The following HMBOX1 variants were observed in gnomAD, a reference collection of about 807,000 sequenced individuals.
The protein encoded by HMBOX1 is homeobox-containing protein 1.
HMBOX1 carries 14 observed loss-of-function variants against 54.5 expected under a neutral mutation model. That is an observed-to-expected ratio of 0.26 (90% confidence interval 0.17 to 0.40). The LOEUF is 0.40. Among genes scored for constraint, HMBOX1 ranks in the 10% least tolerant of loss-of-function variants. The pLI is 1.00. For synonymous variants in HMBOX1, 160 were observed against 181.0 expected (o/e 0.88, Z 0.93); for missense variants, 332 against 514.4 (o/e 0.65, Z 3.43).
At chr8:29,044,355 C>CAAA (rs2133348253) in intron 6 of HMBOX1, among the ~76,000 whole-genome samples, 1 of 152,220 alleles carries the variant, frequency 6.6e-6, no homozygotes, top group African/African-American at 2.4e-5. Flanking sequence ...TGAAAGTTCT[C>CAAA]CTTTTCTTTT....
At chr8:28,987,019 C>T (rs1830261498) in intron 4 of HMBOX1, among the ~76,000 whole-genome samples, 1 of 152,080 alleles carries the variant, frequency 6.6e-6, no homozygotes, top group African/African-American at 2.4e-5. Flanking sequence ...ATTCCTTGTC[C>T]TGCCAGGGCT....
chr8:29,001,802 A>G (rs532895152), intron 4 of HMBOX1, among the ~76,000 whole-genome samples: 21 of 152,360 alleles, frequency 1.4e-4, no homozygotes, highest in African/African-American at 5.1e-4. Flanking sequence ...TTAGGAATGG[A>G]AAAACTTTTA....
intron 1 of HMBOX1, among the ~76,000 whole-genome samples, chr8:28,900,850 G>A (rs1175876012): frequency 6.6e-6 from 1 of 151,764 alleles, no homozygotes; most frequent in Non-Finnish European, 1.5e-5. Flanking sequence ...TTGAACCTTT[G>A]CACTCATGAA....
intron 2 of HMBOX1, among the ~76,000 whole-genome samples, chr8:28,967,605 ACAGTTATT>A (rs1826652042): frequency 6.6e-6 from 1 of 152,214 alleles, no homozygotes; most frequent in African/African-American, 2.4e-5. Flanking sequence ...ATATAATAAA[ACAGTTATT>A]GAAGTCATCT....
At chr8:28,986,776 CT>C (rs1412122755) in intron 4 of HMBOX1, among the ~76,000 whole-genome samples, 2 of 152,108 alleles carry the variant, frequency 1.3e-5, no homozygotes, top group Admixed American at 6.5e-5. Flanking sequence ...AAAATTCTTA[CT>C]TTTTAATCTC....
intron 1 of HMBOX1, among the ~76,000 whole-genome samples, chr8:28,919,471 T>C (rs1817166934): frequency 6.6e-6 from 1 of 152,238 alleles, no homozygotes; most frequent in South Asian, 2.1e-4. Flanking sequence ...TATTTCTTTA[T>C]TGAATATTTG....
chr8:28,953,489 A>G (rs1823878855), intron 1 of HMBOX1, among the ~76,000 whole-genome samples: 1 of 152,162 alleles, frequency 6.6e-6, no homozygotes, highest in African/African-American at 2.4e-5. Flanking sequence ...TAACTTCTCG[A>G]TGAGTCACTG....
rs113562221 is a variant in HMBOX1, at chr8:29,012,596, G to A, written c.697+3414G>A. On this transcript the variant is annotated intron_variant, in intron 5 of 9. Coordinates refer to ENST00000287701, the MANE Select transcript of HMBOX1 (RefSeq NM_001135726.3). ...AGCATAGAAATCTCTGAAAAGCTGT[G>A]TTAGGAACTGGGAAGAATAGCTCTG... is the stretch of plus-strand genomic sequence containing the variant. 2.8e-3 allele frequency among the ~76,000 whole-genome samples: 424 copies of A among 152,320 alleles called. 4 individuals carry two copies. The highest frequency in any genetic ancestry group is 9.4e-3 in the African/African-American group (389 of 41,578).
chr8:29,051,139 C>G lies in HMBOX1; in HGVS notation c.1247C>G (p.Ala416Gly). The change falls in exon 10 of 10, where the codon GCC becomes GGC. Residue 416 changes from alanine (A) to glycine (G), a missense_variant. By Grantham distance (60) the Ala-to-Gly change is moderately conservative. Coordinates refer to ENST00000287701, the MANE Select transcript of HMBOX1 (RefSeq NM_001135726.3). ...GGAGCCAACGAAATCAAGACAGAGG[C>G]CCTGGATGATGACTGATCAGGGAGG... ...RQGANEIKTE[A>G]LDDD 6.2e-7 allele frequency: 1 copy of G among 1,613,810 alleles called. No individual in the cohort carries two copies. Among genetic ancestry groups the G allele is most frequent in the South Asian group, 1.1e-5 (1 of 91,060 alleles).
chr8:29,022,963 C>G (rs1302321871), intron 6 of HMBOX1, among the ~76,000 whole-genome samples: 2 of 152,080 alleles, frequency 1.3e-5, no homozygotes, highest in Admixed American at 1.3e-4. Flanking sequence ...AGAATTATCT[C>G]AAATGTGTTT....
At chr8:28,978,570 G>T (rs1330025354) in intron 3 of HMBOX1, among the ~76,000 whole-genome samples, 1 of 152,096 alleles carries the variant, frequency 6.6e-6, no homozygotes, top group Non-Finnish European at 1.5e-5. Flanking sequence ...ATCACTTGAG[G>T]TTAGGAGTTC....
chr8:28,945,822 TG>T (rs1278173864), intron 1 of HMBOX1, among the ~76,000 whole-genome samples: 1 of 152,078 alleles, frequency 6.6e-6, no homozygotes, highest in African/African-American at 2.4e-5. Context: ...TTCCACTTTT[TG>T]AAGTAACTTT....
chr8:28,991,566 C>T (rs749579859), intron 4 of HMBOX1, among the ~76,000 whole-genome samples: 3 of 152,184 alleles, frequency 2.0e-5, no homozygotes, highest in Non-Finnish European at 2.9e-5. Context: ...CCAAGCTCAT[C>T]ATTGTTCTTG....
intron 4 of HMBOX1, among the ~76,000 whole-genome samples, chr8:29,002,475 A>G (rs1832801274): frequency 6.6e-6 from 1 of 152,218 alleles, no homozygotes; most frequent in African/African-American, 2.4e-5. Flanking sequence ...TAAGACCAGA[A>G]GGATCATTTG....
chr8:28,899,884 C>A (rs982790860), intron 1 of HMBOX1, among the ~76,000 whole-genome samples: 1 of 152,094 alleles, frequency 6.6e-6, no homozygotes, highest in African/African-American at 2.4e-5. Context: ...GAGTTCTAAG[C>A]ACTTAGGCTA....
chr8:29,000,584 A>T lies in HMBOX1; in HGVS notation c.587-8488A>T, dbSNP rs1832497357. On this transcript the variant is annotated intron_variant, in intron 4 of 9. Transcript: ENST00000287701. ...GATTGTTTTCGACAAATTACCTCAC[A>T]TCTGTCTTTCCTCCTCAGAGAGAAG... Among the ~76,000 whole-genome samples, 3 of 152,266 alleles carry T rather than the reference A, an allele frequency of 2.0e-5. No individual in the cohort carries two copies. The South Asian group carries it at 6.2e-4, about 31-fold the overall frequency.
intron 2 of HMBOX1, among the ~76,000 whole-genome samples, chr8:28,964,111 A>G (rs1826058988): frequency 1.3e-5 from 2 of 152,178 alleles, no homozygotes; most frequent in African/African-American, 2.4e-5. Context: ...TTCTCTTACC[A>G]TTTCTGTTTT....
chr8:28,979,942 G>T lies in HMBOX1; in HGVS notation c.501-129G>T, dbSNP rs1008603501. ...AATTTCATATTTTCACACAAGTTTG[G>T]TCTGTTTACCCTTTATTTTTGTGTC... On this transcript the variant is annotated intron_variant, in intron 3 of 9. Transcript: ENST00000287701. 2.8e-5 allele frequency: 19 copies of T among 668,488 alleles called. No homozygotes were observed. In the East Asian group the frequency reaches 3.7e-4, roughly 13 times the overall value. 41.4% of individuals were successfully genotyped at this position (668,488 alleles called of 1,614,324 possible).
intron 3 of HMBOX1, among the ~76,000 whole-genome samples, chr8:28,977,949 A>C (rs1044391421): frequency 1.3e-5 from 2 of 151,934 alleles, no homozygotes; most frequent in Non-Finnish European, 2.9e-5. Context: ...GTCTCCAAAA[A>C]AAAAAAAAAG....
Sources: allele counts gnomAD v4.1 joint callset (sites outside exome capture counted in the v4.1 genomes callset), GRCh38; gene constraint gnomAD v4.1.1; transcripts MANE v1.5; gene names NCBI Gene and HGNC (gene_info 2026-07-23, HGNC 2026-07-21).